The following SH3RF2 variants were observed in gnomAD, a reference collection of about 807,000 sequenced individuals.
SH3RF2 encodes E3 ubiquitin-protein ligase SH3RF2.
A neutral mutation model predicts 59.0 loss-of-function variants in SH3RF2; 43 were observed. The observed-to-expected ratio is 0.73, with a 90% CI of 0.57 to 0.94. SH3RF2 has a LOEUF of 0.94. Ranked by LOEUF, SH3RF2 falls within the 40% of genes least tolerant of loss-of-function variation. The probability of loss-of-function intolerance (pLI) is 0.00; values close to 1 mark genes in which losing one functional copy is unlikely to be tolerated. For synonymous variants in SH3RF2, 391 were observed against 391.5 expected (o/e 1.00, Z 0.01); for missense variants, 930 against 940.1 (o/e 0.99, Z 0.14).
At chr5:146,067,153 A>G (rs559106206), downstream of SH3RF2, among the ~76,000 whole-genome samples, 4 of 152,216 alleles carry the variant, frequency 2.6e-5, no homozygotes, top group African/African-American at 9.6e-5. Context: ...GAGCAGGAAG[A>G]GTTTAAAGCA....
chr5:146,041,288 C>T (rs527895010), intron 5 of SH3RF2, among the ~76,000 whole-genome samples: 4 of 152,196 alleles, frequency 2.6e-5, no homozygotes, highest in African/African-American at 7.2e-5. Flanking sequence ...GCTCCCAGAG[C>T]GTCCTGATCT....
intron 9 of SH3RF2, among the ~76,000 whole-genome samples, chr5:146,076,435 C>T (rs1763343036): frequency 6.6e-6 from 1 of 152,174 alleles, no homozygotes; most frequent in Non-Finnish European, 1.5e-5. Flanking sequence ...CTAAGGCAGA[C>T]CGCCTTCCTT....
intron 4 of SH3RF2, among the ~76,000 whole-genome samples, chr5:146,004,590 T>C (rs1760560114): frequency 6.6e-6 from 1 of 152,112 alleles, no homozygotes; most frequent in Non-Finnish European, 1.5e-5. Flanking sequence ...CAATAAGGAG[T>C]TCATTTTTTT....
chr5:146,061,740 C>A (rs886514193), intron 9 of SH3RF2, among the ~76,000 whole-genome samples: 4 of 152,082 alleles, frequency 2.6e-5, no homozygotes, highest in Non-Finnish European at 5.9e-5. Flanking sequence ...GGAGACCTTG[C>A]ATCTCATATA....
intron 5 of SH3RF2, 37 bp downstream of exon 5, chr5:146,014,098 G>A: frequency 6.2e-7 from 1 of 1,600,448 alleles, no homozygotes; most frequent in East Asian, 2.2e-5. Flanking sequence ...GCACTTTGGA[G>A]TTGGGCAAGT....
downstream of SH3RF2, among the ~76,000 whole-genome samples, chr5:146,066,161 G>A (rs988981163): frequency 1.3e-5 from 2 of 152,210 alleles, no homozygotes; most frequent in African/African-American, 4.8e-5. Context: ...AGCCCAACTT[G>A]GGACTTGCTC....
chr5:146,040,927 C>A (rs1244843918), intron 5 of SH3RF2, among the ~76,000 whole-genome samples: 1 of 152,136 alleles, frequency 6.6e-6, no homozygotes, highest in Non-Finnish European at 1.5e-5. Context: ...ATTCCACTTG[C>A]CTGCAGACCT....
intron 2 of SH3RF2, among the ~76,000 whole-genome samples, chr5:145,967,592 C>T (rs1403085702): frequency 1.3e-5 from 2 of 152,190 alleles, no homozygotes; most frequent in Non-Finnish European, 2.9e-5. Flanking sequence ...GGGACTGTCT[C>T]TATCTTTTCT....
At chr5:145,972,234 A>G (rs1033991461) in intron 2 of SH3RF2, among the ~76,000 whole-genome samples, 1 of 152,178 alleles carries the variant, frequency 6.6e-6, no homozygotes, top group South Asian at 2.1e-4. Context: ...TTGATAAAAA[A>G]TTGAAAAAAA....
At chr5:146,042,031 G>A (rs1762143078) in intron 5 of SH3RF2, among the ~76,000 whole-genome samples, 1 of 152,192 alleles carries the variant, frequency 6.6e-6, no homozygotes, top group Admixed American at 6.5e-5. Flanking sequence ...AATACCAAGT[G>A]TAGTGCCATA....
intron 5 of SH3RF2, among the ~76,000 whole-genome samples, chr5:146,045,222 C>A (rs1762262044): frequency 6.6e-6 from 1 of 152,184 alleles, no homozygotes. Flanking sequence ...TTGAAGGAAC[C>A]AGTGTGACAA....
At chr5:146,075,895 G>A (rs1377316723) in intron 9 of SH3RF2, among the ~76,000 whole-genome samples, 1 of 151,092 alleles carries the variant, frequency 6.6e-6, no homozygotes, top group East Asian at 1.9e-4. Flanking sequence ...GTTTCTGAGT[G>A]CTCAGTAAAC....
At chr5:145,989,921 C>T (rs1759871165) in intron 2 of SH3RF2, among the ~76,000 whole-genome samples, 1 of 152,194 alleles carries the variant, frequency 6.6e-6, no homozygotes, top group African/African-American at 2.4e-5. Context: ...ACTCAGGGCT[C>T]ACTGGCAGCT....
intron 4 of SH3RF2, among the ~76,000 whole-genome samples, chr5:146,009,299 G>A (rs1342565890): frequency 6.6e-6 from 1 of 152,004 alleles, no homozygotes; most frequent in Non-Finnish European, 1.5e-5. Flanking sequence ...AGAATAAAAT[G>A]GAAGCTTCCC....
At chr5:145,949,072 C>G (rs575370500) in intron 2 of SH3RF2, among the ~76,000 whole-genome samples, 1 of 152,220 alleles carries the variant, frequency 6.6e-6, no homozygotes, top group South Asian at 2.1e-4. Flanking sequence ...GGAGACATAT[C>G]AGCCATTTTG....
Position 146,062,530 on chromosome 5 carries a change from G to C in SH3RF2, c.2019G>C (p.Ala673=). 6.2e-7 allele frequency: 1 copy of C among 1,614,102 alleles called. No homozygotes were observed. ...GKPEQPATLK[A]SQPEAASLGP... is the part of the protein sequence containing the mutation. ...CTGAACAGCCAGCCACCCTCAAGGCGTCCCAGCCTGAAGCAGCGTCCTTGG... is the reference window on the plus strand; with the variant it reads ...CTGAACAGCCAGCCACCCTCAAGGCCTCCCAGCCTGAAGCAGCGTCCTTGG... The change falls in exon 10 of 10, where the codon GCG becomes GCC. Residue 673 remains alanine (A), a synonymous_variant. Coordinates refer to ENST00000359120, the MANE Select transcript of SH3RF2 (RefSeq NM_152550.4).
exon 10 of SH3RF2, chr5:146,080,409 A>C (rs1055148320): frequency 6.6e-6 from 1 of 152,128 alleles, no homozygotes; most frequent in African/African-American, 2.4e-5. Flanking sequence ...GACCAAAGAG[A>C]ATCTCTATGA....
intron 9 of SH3RF2, among the ~76,000 whole-genome samples, chr5:146,075,000 A>G (rs1763313501): frequency 6.6e-6 from 1 of 152,360 alleles, no homozygotes; most frequent in Admixed American, 6.5e-5. Flanking sequence ...ACCATACAAA[A>G]TAAACACTAA....
intron 7 of SH3RF2, among the ~76,000 whole-genome samples, chr5:146,051,495 G>T (rs1762496134): frequency 6.6e-6 from 1 of 152,142 alleles, no homozygotes; most frequent in African/African-American, 2.4e-5. Context: ...AGGGAGAAGT[G>T]GTTAGATTCT....
Sources: gnomAD v4.1 joint callset for allele counts (sites outside exome capture counted in the v4.1 genomes callset) on GRCh38, gnomAD v4.1.1 for gene constraint, MANE v1.5 for transcripts, NCBI Gene and HGNC (gene_info 2026-07-23, HGNC 2026-07-21) for gene names.